IRX4: variants seen among roughly 807,000 people sequenced by gnomAD.
The protein encoded by IRX4 is iroquois homeobox 4.
A neutral mutation model predicts 32.0 loss-of-function variants in IRX4; 22 were observed. The observed-to-expected ratio is 0.69, with a 90% CI of 0.49 to 0.98. IRX4 has a LOEUF of 0.98. Ranked by LOEUF, IRX4 falls within the 50% of genes least tolerant of loss-of-function variation. The pLI is 0.00. For missense variants in IRX4, 840 were observed against 744.2 expected (o/e 1.13, Z -1.50); for synonymous variants, 379 against 351.7 (o/e 1.08, Z -0.87).
In IRX4 at chr5:1,880,756, C is replaced by T. The variant is rs1271064013; in HGVS notation, c.376G>A (p.Glu126Lys). 2.5e-6 allele frequency: 4 copies of T among 1,613,754 alleles called. No individual in the cohort carries two copies. The highest frequency in any genetic ancestry group is 1.7e-5 in the Admixed American group (1 of 60,020). The change falls in exon 3 of 5, where the codon GAG becomes AAG. Residue 126 changes from glutamate (E) to lysine (K), a missense_variant. Around this residue, in one of 3 missense-constraint regions of IRX4, gnomAD observed 241 missense variants for 220.8 expected, o/e 1.09. Coordinates refer to ENST00000231357, the MANE Select transcript of IRX4 (RefSeq NM_016358.3). ...APAAAAYYPY[E>K]PALGQYPYDR... ...TAGGGGTACTGGCCCAGAGCTGGCT[C>T]GTAAGGGTAGTAGGCGGCAGCGGCT... is the stretch of plus-strand genomic sequence containing the variant.
In IRX4 at chr5:1,877,569, A is replaced by T; in HGVS notation, c.*400T>A. On this transcript the variant is annotated 3_prime_UTR_variant, in exon 5 of 5. Transcript: ENST00000231357. ...CTCAGTGCAAGTGCTGTTGGTGAGC[A>T]TTACGTGCTGAGGATGAAATCGGAG... The T allele has an allele frequency of 4.4e-6, 1 of 227,642 alleles. No homozygotes were observed. 14.1% of individuals were successfully genotyped at this position (227,642 alleles called of 1,614,324 possible).
chr5:1,885,084 G>C (rs977231015), upstream of IRX4, among the ~76,000 whole-genome samples: 1 of 152,142 alleles, frequency 6.6e-6, no homozygotes, highest in Non-Finnish European at 1.5e-5. Context: ...CGGCGACTGT[G>C]AGCACTCCGC....
Position 1,882,671 on chromosome 5 carries a change from G to A in IRX4, c.-24C>T, listed in dbSNP as rs367975695. 2.2e-4 allele frequency: 302 copies of A among 1,372,506 alleles called. No homozygotes were observed. The highest frequency in any genetic ancestry group is 5.3e-4 in the Middle Eastern group (2 of 3,796). 85.0% of individuals were successfully genotyped at this position (1,372,506 alleles called of 1,614,324 possible). On this transcript the variant is annotated 5_prime_UTR_variant, in exon 1 of 5. Coordinates refer to ENST00000231357, the MANE Select transcript of IRX4 (RefSeq NM_016358.3). ...ATGGCGGGCGCGGCCCGGGGCGGAC[G>A]GGCGGGGCCTGCAGGGTTCTGCGCG...
At chr5:1,879,905 G>T in intron 3 of IRX4, 73 bp from the exon 4 acceptor site, 1 of 1,590,578 alleles carries the variant, frequency 6.3e-7, no homozygotes, top group Non-Finnish European at 8.5e-7. Flanking sequence ...AGGGGTGGGG[G>T]TCGGCCAGGG....
chr5:1,886,635 T>C (rs1056400915), upstream of IRX4, among the ~76,000 whole-genome samples: 4 of 151,846 alleles, frequency 2.6e-5, no homozygotes, highest in African/African-American at 9.7e-5. Context: ...GCTTGCTCCC[T>C]GGGTACGGCC....
intron 1 of IRX4, 119 bp downstream of exon 1, chr5:1,882,484 G>A (rs1393267408): frequency 1.1e-6 from 1 of 893,792 alleles, no homozygotes; most frequent in South Asian, 1.5e-5. Flanking sequence ...GCGCGACCCA[G>A]GCCTTGCTAG....
rs909369558 is a variant in IRX4 at position 1,882,017 on chromosome 5, C to G, written c.88G>C (p.Gly30Arg). ...TNSLSTCCES[G>R]GRTLADSGPA... is the part of the protein sequence containing the mutation. ...CCGGAGTCCGCCAGCGTGCGGCCTC[C>G]GGACTCGCAGCACGTGCTCAGGGAG... Residue 30 changes from glycine (G) to arginine (R), a missense_variant, in exon 2 of 5, where the codon GGA becomes CGA. This residue lies in a region of IRX4 where 241 missense variants were observed against 220.8 expected (regional missense o/e 1.09). Coordinates refer to ENST00000231357, the MANE Select transcript of IRX4 (RefSeq NM_016358.3). 9 of 1,547,980 alleles carry G rather than the reference C, an allele frequency of 5.8e-6. No individual in the cohort carries two copies. The African/African-American group carries it at 1.2e-4, about 21-fold the overall frequency.
chr5:1,881,750 G>A, intron 2 of IRX4, 58 bp downstream of exon 2: 1 of 1,551,318 alleles, frequency 6.4e-7, no homozygotes, highest in South Asian at 1.2e-5. Context: ...TGGGGCAAAA[G>A]TGGGCTTGGC....
At position 1,877,666 on chromosome 5, in the gene IRX4, A is replaced by G; in HGVS notation, c.*303T>C. 2.5e-6 allele frequency: 1 copy of G among 404,808 alleles called. No individual in the cohort carries two copies. 25.1% of individuals were successfully genotyped at this position (404,808 alleles called of 1,614,324 possible). Reference sequence around the variant, plus strand: ...GCTTCAGAACGGAACCGCCTTCTCCATGTAAACTTTTGACGTAAACTTTAT... The same window carrying G: ...GCTTCAGAACGGAACCGCCTTCTCCGTGTAAACTTTTGACGTAAACTTTAT... On this transcript the variant is annotated 3_prime_UTR_variant, in exon 5 of 5. Transcript: ENST00000231357.
upstream of IRX4, among the ~76,000 whole-genome samples, chr5:1,886,436 C>T (rs1735632840): frequency 6.6e-6 from 1 of 152,258 alleles, no homozygotes; most frequent in Non-Finnish European, 1.5e-5. Flanking sequence ...TTTGAGAGGC[C>T]TCACGGTCGC....
At position 1,878,002 on chromosome 5, in the gene IRX4, C is replaced by A; in HGVS notation, c.1527G>T (p.Leu509=). The change falls in exon 5 of 5, where the codon CTG becomes CTT. Residue 509 remains leucine, a synonymous_variant. Transcript: ENST00000231357. ...AGAAGGGTTTGCCGCCGGCCTTGGGCAGGGCGAGCAGCTCCCTGGCGGCGC... is the reference window on the plus strand; with the variant it reads ...AGAAGGGTTTGCCGCCGGCCTTGGGAAGGGCGAGCAGCTCCCTGGCGGCGC... ...AAGAARELLA[L]PKAGGKPFCA 6.6e-7 allele frequency: 1 copy of A among 1,505,698 alleles called. No individual in the cohort carries two copies. Among genetic ancestry groups the A allele is most frequent in the East Asian group, 2.6e-5 (1 of 38,966 alleles). 93.3% of individuals were successfully genotyped at this position (1,505,698 alleles called of 1,614,324 possible). A position where few individuals can be genotyped will look rare whatever the true frequency, so the allele number is the denominator to read the frequency against.
At chr5:1,879,239 C>T (rs1735337479) in intron 4 of IRX4, among the ~76,000 whole-genome samples, 1 of 152,224 alleles carries the variant, frequency 6.6e-6, no homozygotes, top group Admixed American at 6.5e-5. Flanking sequence ...GATCCGCCCG[C>T]CTCTGCCTTC....
At chr5:1,880,173 A>G in intron 3 of IRX4, 1 of 1,513,122 alleles carries the variant, frequency 6.6e-7, no homozygotes, top group Non-Finnish European at 8.9e-7. Context: ...TAGACAGGTA[A>G]GCCCACACCC....
In IRX4 at chr5:1,878,778, C is replaced by T. The variant is rs1414589355; in HGVS notation, c.751G>A (p.Glu251Lys). 3.1e-6 allele frequency: 5 copies of T among 1,613,158 alleles called. No individual in the cohort carries two copies. The highest frequency in any genetic ancestry group is 1.7e-5 in the Admixed American group (1 of 60,006). ...TCACTAAGCTCCAGCTCCTTCTCCT[C>T]TTTGCCCACGGGCTCTGCGGGAGAG... is the stretch of plus-strand genomic sequence containing the variant. The part of the protein sequence containing the change: ...SSKNAEPVGK[E>K]EKELELSDLD... Residue 251 changes from glutamate (E) to lysine (K), a missense_variant, in exon 5 of 5, where the codon GAG (glutamate) becomes AAG (lysine). This residue lies in a region of IRX4 where 585 missense variants were observed against 488.0 expected (regional missense o/e 1.20). Coordinates refer to ENST00000231357, the MANE Select transcript of IRX4 (RefSeq NM_016358.3).
upstream of IRX4, among the ~76,000 whole-genome samples, chr5:1,885,105 G>T (rs1364899358): frequency 6.6e-6 from 1 of 152,186 alleles, no homozygotes; most frequent in Non-Finnish European, 1.5e-5. Flanking sequence ...CGGCTGAGGG[G>T]GAGAGCCAGG....
In IRX4 at chr5:1,878,514, C is replaced by G; in HGVS notation, c.1015G>C (p.Gly339Arg). 1 of 1,434,576 alleles carries G rather than the reference C, an allele frequency of 7.0e-7. No individual in the cohort carries two copies. The highest frequency in any genetic ancestry group is 9.1e-7 in the Non-Finnish European group (1 of 1,101,676). The allele number at this position is 1,434,576 out of a possible 1,614,324, so 88.9% of individuals were successfully genotyped here. A position where few individuals can be genotyped will look rare whatever the true frequency, so the allele number is the denominator to read the frequency against. The change falls in exon 5 of 5, where the codon GGC (glycine) becomes CGC (arginine). Residue 339 changes from glycine to arginine, a missense_variant. Gly to Arg is a moderately radical substitution (Grantham distance 125). This residue lies in a region of IRX4 where 585 missense variants were observed against 488.0 expected (regional missense o/e 1.20). Coordinates refer to ENST00000231357, the MANE Select transcript of IRX4 (RefSeq NM_016358.3). ...CAGACCTGAGGGCCGCCCTCTGCGCCCGGCAGTGGCTCCGGCCCGGCCGCC... is the reference window on the plus strand; with the variant it reads ...CAGACCTGAGGGCCGCCCTCTGCGCGCGGCAGTGGCTCCGGCCCGGCCGCC... ...SAAAGPEPLP[G>R]AEGGPQVCEA...
rs1170214001 is a variant in IRX4, at chr5:1,882,598, C to T, written c.45+5G>A. 1 of 1,480,182 alleles carries T rather than the reference C, an allele frequency of 6.8e-7. No homozygotes were observed. The highest frequency in any genetic ancestry group is 2.6e-5 in the Admixed American group (1 of 37,856). The allele number at this position is 1,480,182 out of a possible 1,614,324, so 91.7% of individuals were successfully genotyped here. Reference sequence around the variant, plus strand: ...GTGGCCTGGGCGGGGCGGGGCTCCGCTTACCTGGGGAGCCGAGGAGTAGGG... The same window carrying T: ...GTGGCCTGGGCGGGGCGGGGCTCCGTTTACCTGGGGAGCCGAGGAGTAGGG... On this transcript the variant is annotated splice_donor_5th_base_variant and intron_variant, in intron 1 of 4. Transcript: ENST00000231357.
chr5:1,887,178 C>T (rs997674948), upstream of IRX4: 1 of 151,858 alleles, frequency 6.6e-6, no homozygotes, highest in African/African-American at 2.4e-5. Flanking sequence ...GGCGGAGCAC[C>T]TGGCGAGCGG....
In IRX4 at chr5:1,877,894, C is replaced by G; in HGVS notation, c.*75G>C. ...TCGCGGTGGCCGCGCTAGTCTTCCT[C>G]TGGAAACTCAGTGAAAAGAGTCGGC... On this transcript the variant is annotated 3_prime_UTR_variant, in exon 5 of 5. Coordinates refer to ENST00000231357, the MANE Select transcript of IRX4 (RefSeq NM_016358.3). 1 of 1,359,854 alleles carries G rather than the reference C, an allele frequency of 7.4e-7. No homozygotes were observed. The highest frequency in any genetic ancestry group is 9.9e-7 in the Non-Finnish European group (1 of 1,006,144). 84.2% of individuals were successfully genotyped at this position (1,359,854 alleles called of 1,614,324 possible). A position where few individuals can be genotyped will look rare whatever the true frequency, so the allele number is the denominator to read the frequency against.
Sources: gnomAD v4.1 joint callset for allele counts (sites outside exome capture counted in the v4.1 genomes callset) on GRCh38, gnomAD v4.1.1 for gene constraint, gnomAD v4.1.1 regional missense constraint, MANE v1.5 for transcripts, NCBI Gene and HGNC (gene_info 2026-07-23, HGNC 2026-07-21) for gene names.